Variants in JAKMIP3 observed in about 807,000 individuals in gnomAD.
The protein encoded by JAKMIP3 is Janus kinase and microtubule interacting protein 3, also known as janus kinase and microtubule-interacting protein 3.
A neutral mutation model predicts 118.5 loss-of-function variants in JAKMIP3; 58 were observed. That is an observed-to-expected ratio of 0.49 (90% CI 0.40 to 0.61). The LOEUF (loss-of-function observed/expected upper bound fraction) is 0.61, where lower values mean the gene tolerates loss of function less well. JAKMIP3 is among the 20% of genes least tolerant of loss of function. The probability of loss-of-function intolerance (pLI) is 0.00; values close to 1 mark genes in which losing one functional copy is unlikely to be tolerated. For synonymous variants in JAKMIP3, 486 were observed against 451.2 expected (o/e 1.08, Z -0.98); for missense variants, 950 against 1,109.0 (o/e 0.86, Z 2.04).
chr10:132,112,046 C>T lies in JAKMIP3; in HGVS notation c.136-5031C>T, dbSNP rs563708143. 1.3e-5 allele frequency among the ~76,000 whole-genome samples: 2 copies of T among 151,936 alleles called. No homozygotes were observed. The highest frequency in any genetic ancestry group is 1.9e-4 in the East Asian group (1 of 5,152). ...TGTTGGCAGGCGGGGGTAGAGCGTG[C>T]GGGTGGACGGTGCATGGGATGCTCC... On this transcript the variant is annotated intron_variant, in intron 2 of 23. Coordinates refer to ENST00000684848, the MANE Select transcript of JAKMIP3 (RefSeq NM_001323087.2). The surrounding 1 kb of genome is among the most constrained non-coding windows in gnomAD (Gnocchi z 4.3).
In JAKMIP3 at chr10:132,117,224, C is replaced by G; in HGVS notation, c.283C>G (p.Leu95Val). ...GCTACAGGCTGTGCGTGAGACGCTG[C>G]TGCGGCAGCATGAGGCTGAGCTGCT... Reference protein sequence around the residue: ...KELQAVRETLLRQHEAELLRV... With the variant: ...KELQAVRETLVRQHEAELLRV... Residue 95 changes from leucine (L) to valine (V), a missense_variant, in exon 3 of 24, where the codon CTG (leucine) becomes GTG (valine). Coordinates refer to ENST00000684848, the MANE Select transcript of JAKMIP3 (RefSeq NM_001323087.2). This position sits in a 1 kb window ranked among gnomAD's most constrained non-coding sequence, Gnocchi z 8.6. 1 of 1,613,968 alleles carries G rather than the reference C, an allele frequency of 6.2e-7. No individual in the cohort carries two copies. The highest frequency in any genetic ancestry group is 8.5e-7 in the Non-Finnish European group (1 of 1,179,898).
chr10:132,109,051 CAT>C (rs1269263704), intron 2 of JAKMIP3, among the ~76,000 whole-genome samples: 4 of 97,430 alleles, frequency 4.1e-5, no homozygotes, highest in Admixed American at 1.1e-4. Context: ...TATACACACA[CAT>C]ACATGCACAT....
chr10:132,150,052 C>T lies in JAKMIP3; in HGVS notation c.2007+11C>T, dbSNP rs767496917. 6.3e-7 allele frequency: 1 copy of T among 1,593,698 alleles called. No homozygotes were observed. Among genetic ancestry groups the T allele is most frequent in the East Asian group, 2.3e-5 (1 of 43,416 alleles). ...GATAACGCCGTAAGTGTATGTCGCT[C>T]TCCTGGCTTGTGCATGCCTCTTACA... On this transcript the variant is annotated intron_variant, in intron 16 of 23. Coordinates refer to ENST00000684848, the MANE Select transcript of JAKMIP3 (RefSeq NM_001323087.2).
In JAKMIP3 at chr10:132,180,572, T is replaced by TGC. The variant is rs1454752016; in HGVS notation, c.*1104-1784_*1104-1783insCG. Among the ~76,000 whole-genome samples the TGC allele has an allele frequency of 3.7e-4, 11 of 29,432 alleles. 1 individual carries two copies. The highest frequency in any genetic ancestry group is 1.7e-3 in the African/African-American group (9 of 5,172). The allele number at this position is 29,432 out of a possible 152,430, so 19.3% of individuals were successfully genotyped here. The stretch of plus-strand genomic sequence containing the variant: ...GTGCGTGCATGCGTGTGTGTGCGTG[T>TGC]GTGTGTGCGTGCGCGTGTGTGTGTG... On this transcript the variant is annotated intron_variant, in intron 23 of 23. Coordinates refer to ENST00000684848, the MANE Select transcript of JAKMIP3 (RefSeq NM_001323087.2).
At chr10:132,074,396 A>G (rs533153113) in intron 1 of JAKMIP3, among the ~76,000 whole-genome samples, 47 of 152,238 alleles carry the variant, frequency 3.1e-4, no homozygotes, top group African/African-American at 1.1e-3. Context: ...CTGGTGTGAG[A>G]TGGTATCTCA....
rs2047911278 is a variant in JAKMIP3 at position 132,117,637 on chromosome 10, AGGGGCG to A, written c.633+66_633+71del. On this transcript the variant is annotated intron_variant, in intron 3 of 23. Transcript: ENST00000684848. This position sits in a 1 kb window ranked among gnomAD's most constrained non-coding sequence, Gnocchi z 8.6. ...CAGGGGCGGGCGTGGGCGAGGGTGCAGGGGCGGGCGTGGGCGAGGGTGCAGGCGTGG... is the reference window on the plus strand; with the variant it reads ...CAGGGGCGGGCGTGGGCGAGGGTGCAGGCGTGGGCGAGGGTGCAGGCGTGG... 1.2e-5 allele frequency: 13 copies of A among 1,120,518 alleles called. No individual in the cohort carries two copies. The highest frequency in any genetic ancestry group is 3.6e-5 in the South Asian group (2 of 55,078). The allele number at this position is 1,120,518 out of a possible 1,614,324, so 69.4% of individuals were successfully genotyped here. A position where few individuals can be genotyped will look rare whatever the true frequency, so the allele number is the denominator to read the frequency against.
chr10:132,077,445 T>C (rs1023648326), intron 1 of JAKMIP3, among the ~76,000 whole-genome samples: 5 of 152,194 alleles, frequency 3.3e-5, no homozygotes, highest in African/African-American at 4.8e-5. Context: ...CGAAGAGTCC[T>C]CGCCCACTGT....
rs2047007036 is a variant in JAKMIP3, at chr10:132,112,396, G to A, written c.136-4681G>A. On this transcript the variant is annotated intron_variant, in intron 2 of 23. Transcript: ENST00000684848. The surrounding 1 kb of genome is among the most constrained non-coding windows in gnomAD (Gnocchi z 4.3). The stretch of plus-strand genomic sequence containing the variant: ...TCAGCTGGGAAGCCCAGAGAGGGCA[G>A]CGAGGAGGCCATACTCTTGGACTTC... Among the ~76,000 whole-genome samples, 1 of 152,190 alleles carries A rather than the reference G, an allele frequency of 6.6e-6. No homozygotes were observed. The highest frequency in any genetic ancestry group is 2.4e-5 in the African/African-American group (1 of 41,440).
chr10:132,151,008 A>C (rs1361936869), intron 16 of JAKMIP3, among the ~76,000 whole-genome samples: 2 of 151,354 alleles, frequency 1.3e-5, no homozygotes, highest in Non-Finnish European at 2.9e-5. Context: ...TCTGTCCTCT[A>C]TCCACCATCC....
chr10:132,142,474 GCCTGCCCCGGCC>G (rs1324778428), intron 11 of JAKMIP3, among the ~76,000 whole-genome samples: 1 of 140,918 alleles, frequency 7.1e-6, no homozygotes, highest in East Asian at 2.1e-4. Flanking sequence ...CACAGGCTGT[GCCTGCCCCGGCC>G]CCGGCCCCGG....
At chr10:132,102,603 G>T (rs771458076) in intron 1 of JAKMIP3, among the ~76,000 whole-genome samples, 1 of 152,166 alleles carries the variant, frequency 6.6e-6, no homozygotes, top group African/African-American at 2.4e-5. Context: ...CAGGCTCCTC[G>T]TGGTTCCTGG....
Position 132,145,556 on chromosome 10 carries a change from G to C in JAKMIP3, c.1725G>C (p.Arg575=). The C allele has an allele frequency of 6.4e-7, 1 of 1,564,740 alleles. No homozygotes were observed. The highest frequency in any genetic ancestry group is 8.7e-7 in the Non-Finnish European group (1 of 1,154,694). The change falls in exon 13 of 24, where the codon CGG becomes CGC. Residue 575 remains arginine, a synonymous_variant. Transcript: ENST00000684848. Reference sequence around the variant, plus strand: ...TTGAAGAGAAGCAGGCACTGTACCGGAGAAATCAAGAGCTTGTGGAAAAGG... The same window carrying C: ...TTGAAGAGAAGCAGGCACTGTACCGCAGAAATCAAGAGCTTGTGGAAAAGG... ...KWIEEKQALY[R]RNQELVEKIK...
chr10:132,061,298 A>G (rs539531975), upstream of JAKMIP3, among the ~76,000 whole-genome samples: 2 of 152,324 alleles, frequency 1.3e-5, no homozygotes, highest in African/African-American at 4.8e-5. Context: ...GACGGCACAC[A>G]CACACACGTT....
At chr10:132,101,995 T>A (rs1417596790) in intron 1 of JAKMIP3, among the ~76,000 whole-genome samples, 1 of 100,032 alleles carries the variant, frequency 1.0e-5, no homozygotes. Context: ...GACGCTCATG[T>A]GGTTGGGACC....
intron 14 of JAKMIP3, among the ~76,000 whole-genome samples, 165 bp from the exon 15 acceptor site, chr10:132,149,247 G>T (rs1032985607): frequency 1.3e-5 from 2 of 152,062 alleles, no homozygotes. Flanking sequence ...TCCAGGTCCA[G>T]TGCAGATTCT....
chr10:132,045,991 C>T (rs1426683758), intron 1 of JAKMIP3, among the ~76,000 whole-genome samples: 1 of 151,428 alleles, frequency 6.6e-6, no homozygotes. Context: ...AATTTACACA[C>T]AATGAAATGC....
chr10:132,082,593 G>GTA (rs969689503), intron 1 of JAKMIP3, among the ~76,000 whole-genome samples: 11 of 151,924 alleles, frequency 7.2e-5, no homozygotes, highest in Non-Finnish European at 8.8e-5. Context: ...ATTCCATTGT[G>GTA]TATATATACA....
chr10:132,117,047 G>A lies in JAKMIP3; in HGVS notation c.136-30G>A. ...GAGTGTGTGCATGGCTGGAGCTCCTGCCACACTCAGTCTCGCTGTTGTCTT... is the reference window on the plus strand; with the variant it reads ...GAGTGTGTGCATGGCTGGAGCTCCTACCACACTCAGTCTCGCTGTTGTCTT... On this transcript the variant is annotated intron_variant, in intron 2 of 23. Transcript: ENST00000684848. The surrounding 1 kb of genome is among the most constrained non-coding windows in gnomAD (Gnocchi z 8.6). 2 of 1,579,942 alleles carry A rather than the reference G, an allele frequency of 1.3e-6. No individual in the cohort carries two copies. The highest frequency in any genetic ancestry group is 1.7e-6 in the Non-Finnish European group (2 of 1,159,390).
In JAKMIP3 at chr10:132,180,714, TGTGTGC is replaced by T. The variant is rs1565021167; in HGVS notation, c.*1104-1637_*1104-1632del. Among the ~76,000 whole-genome samples the T allele has an allele frequency of 1.6e-3, 43 of 26,608 alleles. 9 individuals carry two copies. Among genetic ancestry groups the T allele is most frequent in the African/African-American group, 8.9e-3 (40 of 4,482 alleles). 17.5% of individuals were successfully genotyped at this position (26,608 alleles called of 152,430 possible). ...GTGCGTGCGTGTGTGTGTGCGCGTG[TGTGTGC>T]GTGTGTGTGCGTGTGTGCGTGCGTG... On this transcript the variant is annotated intron_variant, in intron 23 of 23. Transcript: ENST00000684848.
Sources: allele counts gnomAD v4.1 joint callset (sites outside exome capture counted in the v4.1 genomes callset), GRCh38; gene constraint gnomAD v4.1.1; non-coding constraint Gnocchi (gnomAD v3.1); transcripts MANE v1.5; gene names NCBI Gene and HGNC (gene_info 2026-07-23, HGNC 2026-07-21).